The following GALNTL6 variants were observed in gnomAD, a reference collection of about 807,000 sequenced individuals.
GALNTL6 encodes the protein polypeptide N-acetylgalactosaminyltransferase-like 6.
Under a neutral mutation model 73.7 loss-of-function variants are expected in GALNTL6, and 46 were observed. That is an observed-to-expected ratio of 0.62 (90% CI 0.49 to 0.80). GALNTL6 has a LOEUF of 0.80. Ranked by LOEUF, GALNTL6 falls within the 30% of genes least tolerant of loss-of-function variation. GALNTL6 has a pLI of 0.00. For missense variants in GALNTL6, 604 were observed against 755.0 expected (o/e 0.80, Z 2.34); for synonymous variants, 259 against 263.7 (o/e 0.98, Z 0.17).
At chr4:172,494,956 T>A (rs1456707567) in intron 5 of GALNTL6, among the ~76,000 whole-genome samples, 1 of 152,200 alleles carries the variant, frequency 6.6e-6, no homozygotes, top group African/African-American at 2.4e-5. Flanking sequence ...TTGCATCATT[T>A]GCAATCAAGT....
intron 5 of GALNTL6, among the ~76,000 whole-genome samples, chr4:172,625,886 T>A (rs144176420): frequency 0.019 from 2,897 of 152,138 alleles, 44 homozygotes; most frequent in Middle Eastern, 0.041. Flanking sequence ...TCTTGTTAAA[T>A]TATTTAAGTT....
chr4:172,057,712 A>G (rs1168951489), intron 2 of GALNTL6, among the ~76,000 whole-genome samples: 1 of 13,894 alleles, frequency 7.2e-5, no homozygotes, highest in African/African-American at 1.2e-4. Context: ...AAAAAAAAAA[A>G]AAAAAAAAAA....
chr4:172,469,679 C>A (rs1181857682), intron 5 of GALNTL6, among the ~76,000 whole-genome samples: 1 of 152,086 alleles, frequency 6.6e-6, no homozygotes, highest in Non-Finnish European at 1.5e-5. Context: ...TCTATGTGCT[C>A]TTATTTAATA....
chr4:172,389,656 C>T (rs971864546), intron 5 of GALNTL6, among the ~76,000 whole-genome samples: 3 of 152,088 alleles, frequency 2.0e-5, no homozygotes, highest in Non-Finnish European at 4.4e-5. Context: ...TAGAGAACTA[C>T]ATGGCTTCAG....
intron 2 of GALNTL6, among the ~76,000 whole-genome samples, chr4:172,192,166 G>T (rs58237524): frequency 0.064 from 9,782 of 151,958 alleles, 513 homozygotes; most frequent in African/African-American, 0.15. Context: ...TGTTATTTAT[G>T]TCATCTATAA....
rs565252782 is a variant in GALNTL6 at position 172,533,353 on chromosome 4, C to G, written c.553+184664C>G. Among the ~76,000 whole-genome samples the G allele has an allele frequency of 2.0e-3, 199 of 97,290 alleles. 1 individual carries two copies. The highest frequency in any genetic ancestry group is 7.7e-3 in the African/African-American group (189 of 24,398). 63.8% of individuals were successfully genotyped at this position (97,290 alleles called of 152,430 possible). Reference sequence around the variant, plus strand: ...TTTTTTTTTTTTTTTGAGATGGAGTCTCGCTCTGTCGCCCAGGCTGGAGTG... The same window carrying G: ...TTTTTTTTTTTTTTTGAGATGGAGTGTCGCTCTGTCGCCCAGGCTGGAGTG... On this transcript the variant is annotated intron_variant, in intron 5 of 12. Coordinates refer to ENST00000506823, the MANE Select transcript of GALNTL6 (RefSeq NM_001034845.3).
At chr4:172,003,574 T>C (rs1192448954) in intron 2 of GALNTL6, among the ~76,000 whole-genome samples, 3 of 152,188 alleles carry the variant, frequency 2.0e-5, no homozygotes, top group Non-Finnish European at 4.4e-5. Flanking sequence ...TAAGCCTTCA[T>C]ATATTCAACA....
rs1233329375 is a variant in GALNTL6, at chr4:172,987,792, T to C, written c.1372-21386T>C. Among the ~76,000 whole-genome samples, 58 of 152,236 alleles carry C rather than the reference T, an allele frequency of 3.8e-4. 1 individual carries two copies. The highest frequency in any genetic ancestry group is 5.9e-5 in the Non-Finnish European group (4 of 68,022). On this transcript the variant is annotated intron_variant, in intron 10 of 12. Transcript: ENST00000506823. ...CTCTCTCTTTCTCCTTCTCTGGCCATGTAAGATGTGCCTGCTTCCCCTTCA... is the reference window on the plus strand; with the variant it reads ...CTCTCTCTTTCTCCTTCTCTGGCCACGTAAGATGTGCCTGCTTCCCCTTCA...
rs142354488 is a variant in GALNTL6 at position 172,557,856 on chromosome 4, G to A, written c.553+209167G>A. On this transcript the variant is annotated intron_variant, in intron 5 of 12. Coordinates refer to ENST00000506823, the MANE Select transcript of GALNTL6 (RefSeq NM_001034845.3). ...CTAGGTGTTTTTTTTAAGATGTTAA[G>A]CATATATCTACCTATGACCCAGAAA... is the stretch of plus-strand genomic sequence containing the variant. Among the ~76,000 whole-genome samples the A allele has an allele frequency of 1.7e-4, 26 of 151,862 alleles. No homozygotes were observed. In the East Asian group the frequency reaches 5.0e-3, roughly 29 times the overall value.
intron 5 of GALNTL6, among the ~76,000 whole-genome samples, chr4:172,544,428 T>C (rs1735679454): frequency 6.6e-6 from 1 of 152,172 alleles, no homozygotes; most frequent in African/African-American, 2.4e-5. Context: ...ATAAATATTC[T>C]CATCTGCCAC....
intron 8 of GALNTL6, among the ~76,000 whole-genome samples, chr4:172,916,240 C>T (rs1233240152): frequency 2.6e-5 from 4 of 152,174 alleles, no homozygotes; most frequent in South Asian, 2.1e-4. Context: ...ATTGATGGGA[C>T]GTATCTCAAA....
chr4:172,697,632 T>C (rs577343785), intron 5 of GALNTL6, among the ~76,000 whole-genome samples: 1 of 152,264 alleles, frequency 6.6e-6, no homozygotes, highest in South Asian at 2.1e-4. Flanking sequence ...TTCGTCAGAA[T>C]GTAAAGGACT....
At chr4:171,839,190 G>T (rs1396937956) in intron 2 of GALNTL6, among the ~76,000 whole-genome samples, 2 of 152,096 alleles carry the variant, frequency 1.3e-5, no homozygotes, top group Non-Finnish European at 2.9e-5. Flanking sequence ...ATCACAGGAA[G>T]TAAGTAAAGA....
chr4:171,881,520 G>A (rs535400315), intron 2 of GALNTL6, among the ~76,000 whole-genome samples: 55 of 152,190 alleles, frequency 3.6e-4, no homozygotes, highest in African/African-American at 1.2e-3. Flanking sequence ...ATTAAGGGTG[G>A]ATCTGCCCTC....
intron 5 of GALNTL6, among the ~76,000 whole-genome samples, chr4:172,587,942 C>A (rs987927997): frequency 6.6e-6 from 1 of 152,176 alleles, no homozygotes. Context: ...TATTTTCCTG[C>A]AGATCATAAA....
chr4:172,219,950 T>C (rs2110945616), intron 2 of GALNTL6, among the ~76,000 whole-genome samples: 1 of 152,054 alleles, frequency 6.6e-6, no homozygotes, highest in Non-Finnish European at 1.5e-5. Context: ...TGAAATACTT[T>C]TTTAGAATGA....
Position 172,304,039 on chromosome 4 carries a change from C to G in GALNTL6, c.248-7575C>G, listed in dbSNP as rs573552588. Among the ~76,000 whole-genome samples, 7 of 151,078 alleles carry G rather than the reference C, an allele frequency of 4.6e-5. No homozygotes were observed. The South Asian group carries it at 1.5e-3, about 32-fold the overall frequency. ...GACACATTCCCAGCTCTCAATGCTC[C>G]TAGATTATTAAAATATGTTTTAAAT... is the stretch of plus-strand genomic sequence containing the variant. On this transcript the variant is annotated intron_variant, in intron 3 of 12. Coordinates refer to ENST00000506823, the MANE Select transcript of GALNTL6 (RefSeq NM_001034845.3).
chr4:173,009,717 T>C (rs1752460122), intron 11 of GALNTL6, among the ~76,000 whole-genome samples: 1 of 152,244 alleles, frequency 6.6e-6, no homozygotes, highest in African/African-American at 2.4e-5. Flanking sequence ...CCCCTGACCA[T>C]GAACAGATCA....
intron 2 of GALNTL6, among the ~76,000 whole-genome samples, chr4:171,953,989 G>C (rs906693276): frequency 6.6e-6 from 1 of 152,110 alleles, no homozygotes; most frequent in Non-Finnish European, 1.5e-5. Flanking sequence ...CAATGTTCAA[G>C]AAATGATCAC....
Sources: allele counts gnomAD v4.1 joint callset (sites outside exome capture counted in the v4.1 genomes callset), GRCh38; gene constraint gnomAD v4.1.1; transcripts MANE v1.5; gene names NCBI Gene and HGNC (gene_info 2026-07-23, HGNC 2026-07-21).